AGBL1: variants seen among roughly 807,000 people sequenced by gnomAD.
The protein encoded by AGBL1 is cytosolic carboxypeptidase 4.
Under a neutral mutation model 118.9 loss-of-function variants are expected in AGBL1, and 130 were observed. The ratio of observed to expected loss-of-function variants is 1.09; its 90% confidence interval spans 0.95 to 1.26. The LOEUF (loss-of-function observed/expected upper bound fraction) is 1.26, where lower values mean the gene tolerates loss of function less well. AGBL1 is among the 50% of genes most tolerant of loss of function. AGBL1 has a pLI of 0.00. For missense variants in AGBL1, 1,584 were observed against 1,298.1 expected (o/e 1.22, Z -3.38); for synonymous variants, 555 against 478.9 (o/e 1.16, Z -2.08).
chr15:86,388,182 C>T (rs1361657966), intron 17 of AGBL1, among the ~76,000 whole-genome samples: 1 of 152,176 alleles, frequency 6.6e-6, no homozygotes, highest in Admixed American at 6.5e-5. Context: ...AAGAGAAAGC[C>T]AGCTCACACT....
chr15:86,983,657 T>C (rs1217071038), intron 23 of AGBL1, among the ~76,000 whole-genome samples: 4 of 152,228 alleles, frequency 2.6e-5, no homozygotes, highest in African/African-American at 9.6e-5. Context: ...ACAGACTTGT[T>C]ACCTCCAAAA....
At chr15:86,599,790 GT>G (rs1431826246) in intron 21 of AGBL1, among the ~76,000 whole-genome samples, 1 of 152,064 alleles carries the variant, frequency 6.6e-6, no homozygotes, top group Admixed American at 6.6e-5. Context: ...ATTCTGAACA[GT>G]TGTGGTAAAC....
chr15:86,107,129 A>G (rs1221912795), intron 1 of AGBL1, among the ~76,000 whole-genome samples: 1 of 152,254 alleles, frequency 6.6e-6, no homozygotes, highest in Non-Finnish European at 1.5e-5. Flanking sequence ...TGATGTATGC[A>G]CACCAAGATC....
chr15:86,220,907 T>C (rs1267819368), intron 5 of AGBL1, among the ~76,000 whole-genome samples: 1 of 152,052 alleles, frequency 6.6e-6, no homozygotes, highest in Non-Finnish European at 1.5e-5. Context: ...AGAAGTCCTC[T>C]TCAGGCCGTG....
chr15:86,251,496 G>A (rs1449154238), intron 7 of AGBL1, among the ~76,000 whole-genome samples: 2 of 152,174 alleles, frequency 1.3e-5, no homozygotes, highest in Non-Finnish European at 2.9e-5. Flanking sequence ...TAATTTTATT[G>A]ATGTTTGTGA....
chr15:86,948,966 G>T (rs979024820), intron 23 of AGBL1, among the ~76,000 whole-genome samples: 1 of 152,102 alleles, frequency 6.6e-6, no homozygotes, highest in African/African-American at 2.4e-5. Flanking sequence ...AACTGCTCTC[G>T]TGCTACAACA....
chr15:86,953,498 C>A (rs1033865603), intron 23 of AGBL1, among the ~76,000 whole-genome samples: 2 of 151,522 alleles, frequency 1.3e-5, no homozygotes, highest in Non-Finnish European at 2.9e-5. Flanking sequence ...TGAAGCAATC[C>A]TCCCACCTCA....
intron 18 of AGBL1, among the ~76,000 whole-genome samples, chr15:86,450,089 A>G (rs1240857321): frequency 6.6e-6 from 1 of 152,166 alleles, no homozygotes; most frequent in Non-Finnish European, 1.5e-5. Context: ...TTCTGACTCC[A>G]TGAACATTGG....
chr15:86,840,097 G>C (rs2079224248), intron 22 of AGBL1, among the ~76,000 whole-genome samples: 1 of 152,176 alleles, frequency 6.6e-6, no homozygotes, highest in Non-Finnish European at 1.5e-5. Context: ...CACAGTATCT[G>C]TCAATACCCA....
At chr15:86,596,576 C>T (rs2142362515) in intron 21 of AGBL1, among the ~76,000 whole-genome samples, 1 of 152,244 alleles carries the variant, frequency 6.6e-6, no homozygotes, top group East Asian at 1.9e-4. Flanking sequence ...TGGAAAACAC[C>T]TGGTGGACTT....
chr15:86,229,312 C>G (rs1291575684), intron 6 of AGBL1, among the ~76,000 whole-genome samples: 1 of 152,080 alleles, frequency 6.6e-6, no homozygotes, highest in Non-Finnish European at 1.5e-5. Context: ...AACTTACAAT[C>G]ATGGCAGAAG....
In AGBL1 at chr15:86,432,813, G is replaced by GT. The variant is rs936439868; in HGVS notation, c.2555+35276dup. Among the ~76,000 whole-genome samples the GT allele has an allele frequency of 2.3e-3, 344 of 151,460 alleles. 4 individuals carry two copies. The highest frequency in any genetic ancestry group is 7.7e-3 in the African/African-American group (319 of 41,272). On this transcript the variant is annotated intron_variant, in intron 18 of 22. Coordinates refer to ENST00000614907, the MANE Select transcript of AGBL1 (RefSeq NM_001386094.1). Reference sequence around the variant, plus strand: ...CCAGTGGTGTGAAAAATTGAAAGAGGTTTTTTTTTGCTTTGAGAACAATGA... The same window carrying GT: ...CCAGTGGTGTGAAAAATTGAAAGAGGTTTTTTTTTTGCTTTGAGAACAATGA...
rs922282458 is a variant in AGBL1 at position 86,615,326 on chromosome 15, T to C, written c.2995-58947T>C. On this transcript the variant is annotated intron_variant, in intron 21 of 22. Transcript: ENST00000614907. This position sits in a 1 kb window ranked among gnomAD's most constrained non-coding sequence, Gnocchi z 4.3. ...TGAGGGACTGTGGTAAAGACTAGAGTGGAGGAATGGGATATGGGAACACAT... is the reference window on the plus strand; with the variant it reads ...TGAGGGACTGTGGTAAAGACTAGAGCGGAGGAATGGGATATGGGAACACAT... Among the ~76,000 whole-genome samples the C allele has an allele frequency of 1.3e-5, 2 of 151,182 alleles. No individual in the cohort carries two copies. Among genetic ancestry groups the C allele is most frequent in the African/African-American group, 4.9e-5 (2 of 41,064 alleles).
chr15:86,098,035 G>A (rs1896489789), intron 1 of AGBL1, among the ~76,000 whole-genome samples: 1 of 151,968 alleles, frequency 6.6e-6, no homozygotes, highest in South Asian at 2.1e-4. Context: ...TATTATCTCA[G>A]TGTAGTTTTG....
At chr15:86,962,462 A>C (rs1243019596) in intron 23 of AGBL1, among the ~76,000 whole-genome samples, 2 of 152,158 alleles carry the variant, frequency 1.3e-5, no homozygotes, top group East Asian at 3.9e-4. Flanking sequence ...AAAAGAAAAA[A>C]ATCTCTTTTT....
chr15:86,632,312 C>T (rs1324091362), intron 21 of AGBL1, among the ~76,000 whole-genome samples: 1 of 146,106 alleles, frequency 6.8e-6, no homozygotes, highest in African/African-American at 2.5e-5. Flanking sequence ...GGTGCAGTGG[C>T]TTATGCCTGT....
intron 21 of AGBL1, among the ~76,000 whole-genome samples, chr15:86,595,224 A>G (rs1448679661): frequency 6.6e-6 from 1 of 152,114 alleles, no homozygotes; most frequent in Non-Finnish European, 1.5e-5. Flanking sequence ...TGTCACCTCT[A>G]TCTTGTTAAT....
At chr15:86,098,145 G>C (rs1896495894) in intron 1 of AGBL1, among the ~76,000 whole-genome samples, 2 of 151,822 alleles carry the variant, frequency 1.3e-5, no homozygotes, top group Admixed American at 6.6e-5. Flanking sequence ...CAAACCCTTT[G>C]CCCACTTTGT....
intron 21 of AGBL1, among the ~76,000 whole-genome samples, chr15:86,566,969 C>T (rs2083926916): frequency 6.6e-6 from 1 of 152,126 alleles, no homozygotes; most frequent in Non-Finnish European, 1.5e-5. Flanking sequence ...CTCATAGTTC[C>T]TACTTCATGG....
Sources: gnomAD v4.1 joint callset for allele counts (sites outside exome capture counted in the v4.1 genomes callset) on GRCh38, gnomAD v4.1.1 for gene constraint, Gnocchi (gnomAD v3.1) non-coding constraint, MANE v1.5 for transcripts, NCBI Gene and HGNC (gene_info 2026-07-23, HGNC 2026-07-21) for gene names.